The following NRG2 variants were observed in gnomAD, a reference collection of about 807,000 sequenced individuals.
NRG2 encodes pro-neuregulin-2, membrane-bound isoform.
A neutral mutation model predicts 73.9 loss-of-function variants in NRG2; 27 were observed. The observed-to-expected ratio is 0.37, with a 90% CI of 0.27 to 0.50. NRG2 has a LOEUF of 0.50. Ranked by LOEUF, NRG2 falls within the 20% of genes least tolerant of loss-of-function variation. NRG2 has a pLI of 0.96. For missense variants in NRG2, 1,126 were observed against 1,210.1 expected, an observed-to-expected ratio of 0.93 and a Z score of 1.03; for synonymous variants, 532 against 541.0, an observed-to-expected ratio of 0.98 and a Z score of 0.23.
chr5:140,021,913 A>G (rs895206750), intron 1 of NRG2, among the ~76,000 whole-genome samples: 3 of 152,220 alleles, frequency 2.0e-5, no homozygotes, highest in African/African-American at 7.2e-5. Flanking sequence ...TCCTACAGTC[A>G]GACCTCCAGG....
At position 140,042,884 on chromosome 5, in the gene NRG2, G is replaced by C; in HGVS notation, c.186C>G (p.Pro62=). The C allele has an allele frequency of 2.6e-6, 4 of 1,522,464 alleles. No individual in the cohort carries two copies. Among genetic ancestry groups the C allele is most frequent in the Non-Finnish European group, 3.5e-6 (4 of 1,137,238 alleles). 94.3% of individuals were successfully genotyped at this position (1,522,464 alleles called of 1,614,324 possible). A position where few individuals can be genotyped will look rare whatever the true frequency, so the allele number is the denominator to read the frequency against. Residue 62 remains proline, a synonymous_variant, in exon 1 of 10, where the codon CCC becomes CCG. Coordinates refer to ENST00000361474, the MANE Select transcript of NRG2 (RefSeq NM_004883.3). ...GCTGTTGCTGCGGCCGCGGCTCTGG[G>C]GGCGCAGCGGGACGAGAGATGCTGC... ...NNSSISRPAA[P]PEPRPQQQPQ...
At chr5:139,886,931 T>A (rs1415949888) in intron 2 of NRG2, among the ~76,000 whole-genome samples, 3 of 152,232 alleles carry the variant, frequency 2.0e-5, no homozygotes, top group Non-Finnish European at 2.9e-5. Context: ...CAGCCCATCA[T>A]GTGTGACCTC....
intron 1 of NRG2, among the ~76,000 whole-genome samples, chr5:139,896,614 C>T (rs1052357641): frequency 6.6e-6 from 1 of 152,160 alleles, no homozygotes; most frequent in Non-Finnish European, 1.5e-5. Flanking sequence ...CCAGTTTCTC[C>T]ATCTTCTCTT....
At chr5:139,928,996 T>C (rs1490211227) in intron 1 of NRG2, among the ~76,000 whole-genome samples, 1 of 152,192 alleles carries the variant, frequency 6.6e-6, no homozygotes, top group Non-Finnish European at 1.5e-5. Flanking sequence ...TCCCCCTTTA[T>C]CCTGGTTCTC....
chr5:139,979,751 G>A (rs1010384271), intron 1 of NRG2, among the ~76,000 whole-genome samples: 10 of 152,300 alleles, frequency 6.6e-5, no homozygotes, highest in Non-Finnish European at 1.0e-4. Flanking sequence ...ATCCTGCAAC[G>A]CTGGCTGAGC....
At chr5:139,866,002 TCTGGGAG>T (rs1310497270) in intron 4 of NRG2, among the ~76,000 whole-genome samples, 5 of 152,154 alleles carry the variant, frequency 3.3e-5, no homozygotes, top group Non-Finnish European at 7.3e-5. Flanking sequence ...CTGGCAGGGA[TCTGGGAG>T]CCTTAAGGAA....
At chr5:140,041,850 C>A (rs1400810281) in intron 1 of NRG2, among the ~76,000 whole-genome samples, 20 of 152,138 alleles carry the variant, frequency 1.3e-4, no homozygotes, top group Admixed American at 1.3e-3. Flanking sequence ...GCAACGAGCC[C>A]AGGAGAGGAA....
chr5:139,881,776 AGCTGGG>A (rs1226867572), intron 2 of NRG2, among the ~76,000 whole-genome samples: 1 of 152,320 alleles, frequency 6.6e-6, no homozygotes, highest in African/African-American at 2.4e-5. Flanking sequence ...CTCTGAGAAA[AGCTGGG>A]GCTAGCCCTG....
intron 1 of NRG2, among the ~76,000 whole-genome samples, chr5:139,943,931 G>A (rs956845173): frequency 1.1e-4 from 17 of 152,136 alleles, no homozygotes; most frequent in Non-Finnish European, 2.4e-4. Context: ...GCATGGCTAT[G>A]CATTCTAATA....
At chr5:139,876,038 A>G (rs1763156345) in intron 3 of NRG2, among the ~76,000 whole-genome samples, 1 of 152,260 alleles carries the variant, frequency 6.6e-6, no homozygotes, top group African/African-American at 2.4e-5. Flanking sequence ...TTGTGCCCAG[A>G]TGTCCACAGC....
chr5:140,018,060 A>G (rs1759935896), intron 1 of NRG2, among the ~76,000 whole-genome samples: 1 of 151,778 alleles, frequency 6.6e-6, no homozygotes, highest in Admixed American at 6.6e-5. Context: ...AGCTCTTCCA[A>G]TTTTCCCAAG....
chr5:139,925,331 C>T (rs967174388), intron 1 of NRG2, among the ~76,000 whole-genome samples: 3 of 152,170 alleles, frequency 2.0e-5, no homozygotes, highest in South Asian at 2.1e-4. Flanking sequence ...TCCTCAGCTT[C>T]GTCAGTGTTT....
intron 1 of NRG2, among the ~76,000 whole-genome samples, chr5:140,024,416 G>GC (rs1347450402): frequency 2.0e-5 from 3 of 152,110 alleles, no homozygotes; most frequent in Non-Finnish European, 4.4e-5. Context: ...CACTAGACCC[G>GC]GCTAAGTTTT....
At chr5:140,024,870 GA>G (rs1214888236) in intron 1 of NRG2, among the ~76,000 whole-genome samples, 1 of 152,154 alleles carries the variant, frequency 6.6e-6, no homozygotes, top group Non-Finnish European at 1.5e-5. Flanking sequence ...ACTTTTCTAA[GA>G]AAAACTCTAA....
intron 1 of NRG2, among the ~76,000 whole-genome samples, chr5:140,015,897 C>T (rs934545624): frequency 6.6e-6 from 1 of 152,174 alleles, no homozygotes; most frequent in Admixed American, 6.5e-5. Flanking sequence ...ATTCTAGTAA[C>T]CCAGAAACTG....
At position 139,850,878 on chromosome 5, in the gene NRG2, C is replaced by G. The variant is rs373629052; in HGVS notation, c.1772+726G>C. Among the ~76,000 whole-genome samples, 104 of 152,348 alleles carry G rather than the reference C, an allele frequency of 6.8e-4. No homozygotes were observed. The South Asian group carries it at 0.021, about 30-fold the overall frequency. ...GGTCAGTGTCCTCAAAGGCAACCTC[C>G]CCTCCCACTCTGCAGTTTACTCCTT... On this transcript the variant is annotated intron_variant, in intron 9 of 9. Transcript: ENST00000361474.
At chr5:139,987,827 T>C (rs1433460041) in intron 1 of NRG2, among the ~76,000 whole-genome samples, 2 of 147,172 alleles carry the variant, frequency 1.4e-5, no homozygotes, top group Non-Finnish European at 3.0e-5. Context: ...CAGGCTGGAG[T>C]GCAGTAGTGC....
chr5:139,945,292 G>A lies in NRG2; in HGVS notation c.701-57781C>T, dbSNP rs969991354. Among the ~76,000 whole-genome samples, 6 of 151,638 alleles carry A rather than the reference G, an allele frequency of 4.0e-5. No individual in the cohort carries two copies. The East Asian group carries it at 7.7e-4, about 19-fold the overall frequency. On this transcript the variant is annotated intron_variant, in intron 1 of 9. Transcript: ENST00000361474. ...CCATTTGTTTATTTTTGCTTTTGTC[G>A]CCTGTCTTATTCATAAAATATTTTC...
chr5:139,917,091 CT>C (rs1751308636), intron 1 of NRG2, among the ~76,000 whole-genome samples: 1 of 151,926 alleles, frequency 6.6e-6, no homozygotes, highest in Non-Finnish European at 1.5e-5. Flanking sequence ...TATTATCTGA[CT>C]TTTTGATTCT....
Sources: gnomAD v4.1 joint callset for allele counts (sites outside exome capture counted in the v4.1 genomes callset) on GRCh38, gnomAD v4.1.1 for gene constraint, MANE v1.5 for transcripts, NCBI Gene and HGNC (gene_info 2026-07-23, HGNC 2026-07-21) for gene names.